Variants in SLC5A10 observed in about 807,000 individuals in gnomAD.
SLC5A10 encodes solute carrier family 5 member 10.
A neutral mutation model predicts 68.9 loss-of-function variants in SLC5A10; 55 were observed. The observed-to-expected ratio is 0.80, with a 90% CI of 0.64 to 1.00. The LOEUF (loss-of-function observed/expected upper bound fraction) is 1.00, where lower values mean the gene tolerates loss of function less well. SLC5A10 is among the 50% of genes least tolerant of loss of function. The pLI is 0.00. For missense variants in SLC5A10, 732 were observed against 819.3 expected (o/e 0.89, Z 1.30); for synonymous variants, 344 against 344.8 (o/e 1.00, Z 0.02).
intron 8 of SLC5A10, chr17:18,975,792 CAT>C: frequency 6.6e-6 from 1 of 152,276 alleles, no homozygotes; most frequent in East Asian, 1.9e-4. Flanking sequence ...GTTTCAGAGT[CAT>C]AGGTCGTACA....
intron 9 of SLC5A10, among the ~76,000 whole-genome samples, chr17:18,980,108 G>C (rs555070340): frequency 2.0e-5 from 3 of 152,252 alleles, no homozygotes; most frequent in South Asian, 4.1e-4. Context: ...AGCCAGAGGA[G>C]GGCAGGAAGG....
intron 9 of SLC5A10, chr17:18,979,015 C>T (rs2043062207): frequency 1.2e-5 from 9 of 757,358 alleles, no homozygotes; most frequent in East Asian, 1.1e-4. Flanking sequence ...CAGACTGAGT[C>T]GGATGTCAAG....
intron 10 of SLC5A10, 48 bp from the exon 11 acceptor site, chr17:19,015,001 G>C: frequency 1.3e-6 from 2 of 1,585,460 alleles, no homozygotes; most frequent in Non-Finnish European, 1.7e-6. Context: ...GGGTTCCCGG[G>C]GCTGTCTCAA....
At chr17:18,955,639 G>T (rs963696308) in intron 1 of SLC5A10, among the ~76,000 whole-genome samples, 19 of 152,252 alleles carry the variant, frequency 1.2e-4, no homozygotes, top group African/African-American at 4.3e-4. Flanking sequence ...AGTGCACAGC[G>T]TACACATCTG....
chr17:18,956,275 A>G (rs2042498958), intron 1 of SLC5A10, among the ~76,000 whole-genome samples: 2 of 151,806 alleles, frequency 1.3e-5, no homozygotes, highest in Admixed American at 1.3e-4. Flanking sequence ...GTGAGTACAT[A>G]CAATGAAGCC....
intron 1 of SLC5A10, chr17:18,952,518 C>G (rs2151987164): frequency 1.8e-6 from 1 of 569,398 alleles, no homozygotes; most frequent in African/African-American, 1.9e-5. Context: ...GTAATGGCGT[C>G]TCCATCTGCA....
At chr17:18,974,054 G>A (rs867475396) in intron 8 of SLC5A10, among the ~76,000 whole-genome samples, 1 of 151,948 alleles carries the variant, frequency 6.6e-6, no homozygotes, top group Non-Finnish European at 1.5e-5. Context: ...CATCATGCCC[G>A]GCTAATTTTT....
chr17:19,019,655 G>A lies in SLC5A10; in HGVS notation c.1411-58G>A. On this transcript the variant is annotated intron_variant, in intron 12 of 14. Transcript: ENST00000395645. The stretch of plus-strand genomic sequence containing the variant: ...CAATTTGCTCTTCCCTGCTGCCTGT[G>A]GGGGGAGCCTTGGTCCTCCTCCCGT... 10 of 1,601,930 alleles carry A rather than the reference G, an allele frequency of 6.2e-6. No homozygotes were observed. The South Asian group carries it at 6.6e-5, about 11-fold the overall frequency.
chr17:18,978,517 CTCAGCCAGCGCTGGGCCTT>C (rs768630266), intron 9 of SLC5A10: 6 of 1,613,338 alleles, frequency 3.7e-6, no homozygotes, highest in Non-Finnish European at 5.1e-6. Context: ...CCCCTGGATG[CTCAGCCAGCGCTGGGCCTT>C]TCAGCCCCAG....
At chr17:18,969,702 G>A (rs888288787) in intron 7 of SLC5A10, 11 of 399,490 alleles carry the variant, frequency 2.8e-5, no homozygotes, top group Non-Finnish European at 4.5e-5. Context: ...AGCCACACCC[G>A]CATTGGCTCA....
In SLC5A10 at chr17:18,974,093, A is replaced by T. The variant is rs201017840; in HGVS notation, c.847-2761A>T. 2.2e-4 allele frequency among the ~76,000 whole-genome samples: 34 copies of T among 152,138 alleles called. No individual in the cohort carries two copies. In the East Asian group the frequency reaches 6.6e-3, roughly 29 times the overall value. ...TTTTTAATAGAGACGGGGTTTCACC[A>T]TGTTGGCAAGGCTGGTCTCGAACTC... On this transcript the variant is annotated intron_variant, in intron 8 of 14. Coordinates refer to ENST00000395645, the MANE Select transcript of SLC5A10 (RefSeq NM_001042450.4).
chr17:19,002,950 T>C (rs1233352794), intron 9 of SLC5A10, among the ~76,000 whole-genome samples: 1 of 152,126 alleles, frequency 6.6e-6, no homozygotes, highest in Non-Finnish European at 1.5e-5. Context: ...CATCCTGGCC[T>C]GGAAAGTTTC....
chr17:18,991,501 G>A lies in SLC5A10; in HGVS notation c.982+14512G>A, dbSNP rs186722497. On this transcript the variant is annotated intron_variant, in intron 9 of 14. Coordinates refer to ENST00000395645, the MANE Select transcript of SLC5A10 (RefSeq NM_001042450.4). ...AGAGGTCCTGGGCAGGGCAAGGGCT[G>A]TGGAAATGAGAGGGGAGGCTGACTC... 4.7e-4 allele frequency among the ~76,000 whole-genome samples: 71 copies of A among 152,328 alleles called. 1 individual carries two copies. Among genetic ancestry groups the A allele is most frequent in the Middle Eastern group, 3.4e-3 (1 of 294 alleles).
rs1204363452 is a variant in SLC5A10 at position 18,958,727 on chromosome 17, G to A, written c.157G>A (p.Ala53Thr). 5 of 1,614,064 alleles carry A rather than the reference G, an allele frequency of 3.1e-6. No homozygotes were observed. The highest frequency in any genetic ancestry group is 4.2e-6 in the Non-Finnish European group (5 of 1,180,042). The change falls in exon 2 of 15, where the codon GCA becomes ACA. Residue 53 changes from alanine to threonine, a missense_variant. By Grantham distance (58) the Ala-to-Thr change is moderately conservative. Coordinates refer to ENST00000395645, the MANE Select transcript of SLC5A10 (RefSeq NM_001042450.4). ...GAACACGGTGAATGGCTACTTCCTG[G>A]CAGGCCGGGACATGACGTGGTGGCC... ...SRNTVNGYFLAGRDMTWWPIG... is the reference protein window; with the variant it reads ...SRNTVNGYFLTGRDMTWWPIG...
chr17:18,959,336 G>A (rs1035312968), intron 3 of SLC5A10, 97 bp downstream of exon 3: 32 of 1,298,286 alleles, frequency 2.5e-5, no homozygotes, highest in East Asian at 4.6e-5. Flanking sequence ...GGTGTCAGCC[G>A]ATGTCCAGGT....
intron 9 of SLC5A10, among the ~76,000 whole-genome samples, chr17:18,998,989 C>T (rs191903204): frequency 2.5e-4 from 38 of 152,336 alleles, no homozygotes; most frequent in African/African-American, 4.8e-5. Context: ...CTCATGAAAA[C>T]GCTTTTACTG....
intron 9 of SLC5A10, chr17:18,978,192 C>T (rs767087152): frequency 5.2e-6 from 8 of 1,550,194 alleles, no homozygotes; most frequent in Middle Eastern, 3.5e-4. Context: ...TGGGGGAGGC[C>T]GTTCTCAGCT....
rs1222783712 is a variant in SLC5A10, at chr17:18,954,113, T to C, written c.111+1797T>C. ...GCTGTTCCAAGGAGCAAGGGTCCAATGGAAGTGAAAATCTGTTGCAAACTG... is the reference window on the plus strand; with the variant it reads ...GCTGTTCCAAGGAGCAAGGGTCCAACGGAAGTGAAAATCTGTTGCAAACTG... On this transcript the variant is annotated intron_variant, in intron 1 of 14. Coordinates refer to ENST00000395645, the MANE Select transcript of SLC5A10 (RefSeq NM_001042450.4). 3.3e-5 allele frequency: 5 copies of C among 152,188 alleles called. No individual in the cohort carries two copies. The East Asian group carries it at 9.6e-4, about 29-fold the overall frequency. 9.4% of individuals were successfully genotyped at this position (152,188 alleles called of 1,614,324 possible).
At position 19,018,022 on chromosome 17, in the gene SLC5A10, T is replaced by C. The variant is rs1440437961; in HGVS notation, c.1242-1401T>C. ...AGAGGGCGGGGTGGGCAGGCGTTAA[T>C]GGAGGCCCGCCTGGGCCTTTGATGA... is the stretch of plus-strand genomic sequence containing the variant. On this transcript the variant is annotated intron_variant, in intron 11 of 14. Transcript: ENST00000395645. The surrounding 1 kb of genome is among the most constrained non-coding windows in gnomAD (Gnocchi z 4.2). 3.9e-5 allele frequency: 6 copies of C among 152,478 alleles called. No homozygotes were observed. Among genetic ancestry groups the C allele is most frequent in the African/African-American group, 1.4e-4 (6 of 41,430 alleles). The allele number at this position is 152,478 out of a possible 1,614,324, so 9.4% of individuals were successfully genotyped here. A position where few individuals can be genotyped will look rare whatever the true frequency, so the allele number is the denominator to read the frequency against.
Sources: allele counts gnomAD v4.1 joint callset (sites outside exome capture counted in the v4.1 genomes callset), GRCh38; gene constraint gnomAD v4.1.1; non-coding constraint Gnocchi (gnomAD v3.1); transcripts MANE v1.5; gene names NCBI Gene and HGNC (gene_info 2026-07-23, HGNC 2026-07-21).